The following ZKSCAN1 variants were observed in gnomAD, a reference collection of about 807,000 sequenced individuals.
ZKSCAN1 encodes the protein zinc finger with KRAB and SCAN domains 1, also known as zinc finger protein with KRAB and SCAN domains 1.
Under a neutral mutation model 51.6 loss-of-function variants are expected in ZKSCAN1, and 14 were observed. The ratio of observed to expected loss-of-function variants is 0.27; its 90% confidence interval spans 0.18 to 0.42. The LOEUF is 0.42. Ranked by LOEUF, ZKSCAN1 falls within the 10% of genes least tolerant of loss-of-function variation. ZKSCAN1 has a pLI of 1.00. For missense variants in ZKSCAN1, 531 were observed against 710.0 expected (o/e 0.75, Z 2.86); for synonymous variants, 263 against 261.5 (o/e 1.01, Z -0.06).
chr7:100,034,648 A>T lies in ZKSCAN1; in HGVS notation c.*451A>T. On this transcript the variant is annotated 3_prime_UTR_variant, in exon 6 of 6. Coordinates refer to ENST00000324306, the MANE Select transcript of ZKSCAN1 (RefSeq NM_003439.4). ...TGCTTATTTCTCAAAAAAGAGGGACAGTGAAAACAAAAACGACATTGGGAC... is the reference window on the plus strand; with the variant it reads ...TGCTTATTTCTCAAAAAAGAGGGACTGTGAAAACAAAAACGACATTGGGAC... 26 of 793,476 alleles carry T rather than the reference A, an allele frequency of 3.3e-5. No homozygotes were observed. Among genetic ancestry groups the T allele is most frequent in the South Asian group, 5.6e-5 (1 of 17,820 alleles). The allele number at this position is 793,476 out of a possible 1,614,324, so 49.2% of individuals were successfully genotyped here. A position where few individuals can be genotyped will look rare whatever the true frequency, so the allele number is the denominator to read the frequency against.
Position 100,038,801 on chromosome 7 carries a change from C to G in ZKSCAN1, c.*4604C>G. 1.1e-6 allele frequency: 1 copy of G among 887,228 alleles called. No individual in the cohort carries two copies. The highest frequency in any genetic ancestry group is 5.2e-5 in the South Asian group (1 of 19,280). 55.0% of individuals were successfully genotyped at this position (887,228 alleles called of 1,614,324 possible). On this transcript the variant is annotated 3_prime_UTR_variant, in exon 6 of 6. Transcript: ENST00000324306. ...ACAAGGTCAGGAGATCGAGACCATCCTGGCTAACATGGCGAAACCCCGTCT... is the reference window on the plus strand; with the variant it reads ...ACAAGGTCAGGAGATCGAGACCATCGTGGCTAACATGGCGAAACCCCGTCT...
chr7:100,023,924 G>T lies in ZKSCAN1; in HGVS notation c.418G>T (p.Gly140Ter). Residue 140 changes from glycine (G) to a stop codon, truncating the protein, a stop_gained, in exon 2 of 6, where the codon GGA (glycine) becomes TGA (stop). Transcript: ENST00000324306. LOFTEE classifies it high-confidence loss of function. ...AGAAGACTTGGAGCTTGATTTATCA[G>T]GACAACAGGTAAAAAGAGGTGAAAC... ...LLEDLELDLSGQQVPGQVHGP... is the reference protein window; with the variant it reads ...LLEDLELDLS 6.3e-7 allele frequency: 1 copy of T among 1,584,550 alleles called. No individual in the cohort carries two copies. Among genetic ancestry groups the T allele is most frequent in the South Asian group, 1.1e-5 (1 of 87,378 alleles).
rs904649583 is a variant in ZKSCAN1 at position 100,038,593 on chromosome 7, G to A, written c.*4396G>A. ...CAGTAGACGGTCTTCTCCATGAAGC[G>A]AGAGTAGGAAGTGTACTGGAATGGC... On this transcript the variant is annotated 3_prime_UTR_variant, in exon 6 of 6. Transcript: ENST00000324306. 12 of 985,312 alleles carry A rather than the reference G, an allele frequency of 1.2e-5. No homozygotes were observed. The African/African-American group carries it at 1.7e-4, about 14-fold the overall frequency. The allele number at this position is 985,312 out of a possible 1,614,324, so 61.0% of individuals were successfully genotyped here.
chr7:100,044,618 T>G (rs112461796), downstream of ZKSCAN1, among the ~76,000 whole-genome samples: 2,687 of 148,848 alleles, frequency 0.018, 70 homozygotes, highest in African/African-American at 0.061. Context: ...GAGGTGGAGC[T>G]TGCAATGAGC....
In ZKSCAN1 at chr7:100,031,474, C is replaced by T. The variant is rs142318106; in HGVS notation, c.799+1099C>T. 1.8e-4 allele frequency among the ~76,000 whole-genome samples: 27 copies of T among 152,002 alleles called. No homozygotes were observed. In the East Asian group the frequency reaches 4.9e-3, roughly 27 times the overall value. ...TACATGTTCTGTAGAGAAGAGGTTT[C>T]GCCATGTTGCCTAGGCTGGTCTCAA... On this transcript the variant is annotated intron_variant, in intron 5 of 5. Transcript: ENST00000324306.
chr7:100,037,999 G>C lies in ZKSCAN1; in HGVS notation c.*3802G>C. On this transcript the variant is annotated 3_prime_UTR_variant, in exon 6 of 6. Coordinates refer to ENST00000324306, the MANE Select transcript of ZKSCAN1 (RefSeq NM_003439.4). ...CATGCCACTGGCACTCCAGCCTTGA[G>C]TGACAGAGCGAGGCTCTGTATCAAA... is the stretch of plus-strand genomic sequence containing the variant. The C allele has an allele frequency of 1.0e-6, 1 of 983,886 alleles. No homozygotes were observed. 60.9% of individuals were successfully genotyped at this position (983,886 alleles called of 1,614,324 possible).
chr7:100,022,374 T>C (rs1321170727), intron 1 of ZKSCAN1, among the ~76,000 whole-genome samples: 1 of 152,212 alleles, frequency 6.6e-6, no homozygotes, highest in Admixed American at 6.5e-5. Context: ...TAGAAATCCA[T>C]TATTTCACAT....
chr7:100,040,108 G>C lies in ZKSCAN1; in HGVS notation c.*5911G>C, dbSNP rs1475962274. 1.1e-6 allele frequency: 1 copy of C among 949,094 alleles called. No homozygotes were observed. Among genetic ancestry groups the C allele is most frequent in the East Asian group, 1.2e-4 (1 of 8,602 alleles). The allele number at this position is 949,094 out of a possible 1,614,324, so 58.8% of individuals were successfully genotyped here. On this transcript the variant is annotated 3_prime_UTR_variant, in exon 6 of 6. Coordinates refer to ENST00000324306, the MANE Select transcript of ZKSCAN1 (RefSeq NM_003439.4). ...CAAAGCTTTGTGAAACAAACTTGAA[G>C]TTATAGGGAGGTAAGCCATCTCCAA...
chr7:100,021,059 T>C (rs1790565619), intron 1 of ZKSCAN1, among the ~76,000 whole-genome samples: 1 of 152,032 alleles, frequency 6.6e-6, no homozygotes, highest in South Asian at 2.1e-4. Context: ...CTGAAATTCT[T>C]CATTTGAAAG....
rs887426982 is a variant in ZKSCAN1 at position 100,015,616 on chromosome 7, C to G, written c.-199C>G. The stretch of plus-strand genomic sequence containing the variant: ...CCTTTGTGACTCATTGTGTCTGTGT[C>G]GAGGCGTCGGGAGGGCCTAAGTCCG... On this transcript the variant is annotated 5_prime_UTR_variant, in exon 1 of 6. Coordinates refer to ENST00000324306, the MANE Select transcript of ZKSCAN1 (RefSeq NM_003439.4). The G allele has an allele frequency of 3.9e-5, 6 of 152,390 alleles. No homozygotes were observed. Among genetic ancestry groups the G allele is most frequent in the Non-Finnish European group, 7.3e-5 (5 of 68,078 alleles). The allele number at this position is 152,390 out of a possible 1,614,324, so 9.4% of individuals were successfully genotyped here.
Position 100,039,693 on chromosome 7 carries a change from G to A in ZKSCAN1, c.*5496G>A. 2 of 985,388 alleles carry A rather than the reference G, an allele frequency of 2.0e-6. No individual in the cohort carries two copies. The highest frequency in any genetic ancestry group is 2.4e-6 in the Non-Finnish European group (2 of 829,938). The allele number at this position is 985,388 out of a possible 1,614,324, so 61.0% of individuals were successfully genotyped here. ...ACTGTGTGTATGAATTGGAGTAACA[G>A]AACTGAAATACACTTAAACAGTGAC... On this transcript the variant is annotated 3_prime_UTR_variant, in exon 6 of 6. Transcript: ENST00000324306.
chr7:100,027,565 G>A (rs1333805498), intron 3 of ZKSCAN1, among the ~76,000 whole-genome samples: 71 of 151,342 alleles, frequency 4.7e-4, no homozygotes, highest in Non-Finnish European at 3.1e-4. Flanking sequence ...CCTGGCTAAC[G>A]GTGAAACCCC....
intron 4 of ZKSCAN1, 106 bp downstream of exon 4, chr7:100,030,058 A>C: frequency 6.9e-7 from 1 of 1,438,988 alleles, no homozygotes; most frequent in Non-Finnish European, 9.6e-7. Context: ...GCTCTCAAAG[A>C]AGCCCCAACC....
At chr7:100,041,748 C>T, downstream of ZKSCAN1, 1 of 985,048 alleles carries the variant, frequency 1.0e-6, no homozygotes, top group Non-Finnish European at 1.2e-6. Context: ...TGCATAAATA[C>T]ACATTGGGGG....
intron 3 of ZKSCAN1, among the ~76,000 whole-genome samples, chr7:100,027,912 G>A (rs962633172): frequency 2.0e-5 from 3 of 151,992 alleles, no homozygotes; most frequent in African/African-American, 7.2e-5. Context: ...AGTTTAGGTT[G>A]CCAGAGTAAC....
At chr7:100,018,328 G>A (rs1038196807) in intron 1 of ZKSCAN1, among the ~76,000 whole-genome samples, 2 of 152,048 alleles carry the variant, frequency 1.3e-5, no homozygotes, top group Non-Finnish European at 2.9e-5. Context: ...GGTCTAAGGA[G>A]TACAAAGAGG....
rs543051325 is a variant in ZKSCAN1 at position 100,025,413 on chromosome 7, G to T, written c.580+1106G>T. The stretch of plus-strand genomic sequence containing the variant: ...AAGAATGGAAGAACTTTTGAGGGGA[G>T]TTGAGGAACACGAAAAAAGATCAGT... On this transcript the variant is annotated intron_variant, in intron 3 of 5. Coordinates refer to ENST00000324306, the MANE Select transcript of ZKSCAN1 (RefSeq NM_003439.4). 5.6e-4 allele frequency among the ~76,000 whole-genome samples: 85 copies of T among 151,692 alleles called. 1 individual carries two copies. The highest frequency in any genetic ancestry group is 1.9e-3 in the African/African-American group (79 of 41,396).
rs1028873953 is a variant in ZKSCAN1, at chr7:100,036,419, T to C, written c.*2222T>C. 8 of 985,266 alleles carry C rather than the reference T, an allele frequency of 8.1e-6. No homozygotes were observed. Among genetic ancestry groups the C allele is most frequent in the Non-Finnish European group, 9.6e-6 (8 of 829,950 alleles). The allele number at this position is 985,266 out of a possible 1,614,324, so 61.0% of individuals were successfully genotyped here. On this transcript the variant is annotated 3_prime_UTR_variant, in exon 6 of 6. Coordinates refer to ENST00000324306, the MANE Select transcript of ZKSCAN1 (RefSeq NM_003439.4). Reference sequence around the variant, plus strand: ...TGCTTTTGAGCAAGGACTTTTGCCCTCTAGAAAGCAACTGAGGCCAGGTGC... The same window carrying C: ...TGCTTTTGAGCAAGGACTTTTGCCCCCTAGAAAGCAACTGAGGCCAGGTGC...
Position 100,023,703 on chromosome 7 carries a change from A to C in ZKSCAN1, c.197A>C (p.Asn66Thr). ...RQRFRRFCYQ[N>T]TFGPREALSR... ...CGCTTCAGGCGCTTCTGTTACCAGA[A>C]CACTTTTGGGCCCCGAGAGGCTCTC... Residue 66 changes from asparagine (N) to threonine (T), a missense_variant, in exon 2 of 6, where the codon AAC becomes ACC. By Grantham distance (65) the Asn-to-Thr change is moderately conservative. Transcript: ENST00000324306. 2 of 1,614,192 alleles carry C rather than the reference A, an allele frequency of 1.2e-6. No individual in the cohort carries two copies. Among genetic ancestry groups the C allele is most frequent in the South Asian group, 2.2e-5 (2 of 91,080 alleles).
Sources: gnomAD v4.1 joint callset for allele counts (sites outside exome capture counted in the v4.1 genomes callset) on GRCh38, gnomAD v4.1.1 for gene constraint, MANE v1.5 for transcripts, NCBI Gene and HGNC (gene_info 2026-07-23, HGNC 2026-07-21) for gene names.